SMCHD1: variants seen among roughly 807,000 people sequenced by gnomAD.
SMCHD1 encodes structural maintenance of chromosomes flexible hinge domain containing 1.
SMCHD1 carries 78 observed loss-of-function variants against 254.7 expected under a neutral mutation model. That is an observed-to-expected ratio of 0.31 (90% CI 0.26 to 0.37). The LOEUF is 0.37. Among genes scored for constraint, SMCHD1 ranks in the 10% least tolerant of loss-of-function variants. SMCHD1 has a pLI of 1.00. For missense variants in SMCHD1, 1,840 were observed against 2,408.1 expected, an observed-to-expected ratio of 0.76 and a Z score of 4.94; for synonymous variants, 766 against 794.9, an observed-to-expected ratio of 0.96 and a Z score of 0.61.
chr18:2,774,573 C>T (rs995744761), intron 41 of SMCHD1, among the ~76,000 whole-genome samples: 8 of 151,898 alleles, frequency 5.3e-5, no homozygotes, highest in African/African-American at 1.9e-4. Flanking sequence ...ACCATGCCCC[C>T]CTAATTTTTT....
In SMCHD1 at chr18:2,739,404, AGACTTCTAAC is replaced by A. The variant is rs758946886; in HGVS notation, c.3426-27_3426-18del. 1 of 1,559,226 alleles carries A rather than the reference AGACTTCTAAC, an allele frequency of 6.4e-7. No individual in the cohort carries two copies. The highest frequency in any genetic ancestry group is 2.2e-5 in the East Asian group (1 of 44,484). On this transcript the variant is annotated intron_variant, in intron 26 of 47. Coordinates refer to ENST00000320876, the MANE Select transcript of SMCHD1 (RefSeq NM_015295.3). ...CTACTTCAATTAATGGTGTCACTAA[AGACTTCTAAC>A]TTGTTAAACAATTTCAGACCACTTC...
intron 43 of SMCHD1, 107 bp downstream of exon 43, chr18:2,778,022 C>G: frequency 9.9e-7 from 1 of 1,007,180 alleles, no homozygotes; most frequent in East Asian, 2.6e-5. Context: ...GCTTATCAGT[C>G]ATAGTTTTAT....
chr18:2,796,150 A>AG lies in SMCHD1; in HGVS notation c.5878+44dup, dbSNP rs1171784495. 6 of 1,408,346 alleles carry AG rather than the reference A, an allele frequency of 4.3e-6. No homozygotes were observed. The South Asian group carries it at 8.7e-5, about 20-fold the overall frequency. The allele number at this position is 1,408,346 out of a possible 1,614,324, so 87.2% of individuals were successfully genotyped here. A position where few individuals can be genotyped will look rare whatever the true frequency, so the allele number is the denominator to read the frequency against. ...GTTAACTTCTACTTTCTTTATATGG[A>AG]GATAAATATTTATGATGAGAGAGAA... On this transcript the variant is annotated intron_variant, in intron 46 of 47. Coordinates refer to ENST00000320876, the MANE Select transcript of SMCHD1 (RefSeq NM_015295.3).
chr18:2,660,039 T>C (rs1598272664), intron 1 of SMCHD1, among the ~76,000 whole-genome samples: 1 of 152,170 alleles, frequency 6.6e-6, no homozygotes, highest in Admixed American at 6.5e-5. Flanking sequence ...TTAAGAGAAG[T>C]TGGGGACGGC....
At chr18:2,669,813 T>G (rs372387362) in intron 3 of SMCHD1, among the ~76,000 whole-genome samples, 1 of 152,312 alleles carries the variant, frequency 6.6e-6, no homozygotes. Flanking sequence ...ATACCACACA[T>G]AGTTCCCCCT....
In SMCHD1 at chr18:2,738,472, G is replaced by A; in HGVS notation, c.3352G>A (p.Val1118Ile). The change falls in exon 26 of 48, where the codon GTA (valine) becomes ATA (isoleucine). Residue 1118 changes from valine (V) to isoleucine (I), a missense_variant. This residue lies in a region of SMCHD1 where 881 missense variants were observed against 1,009.5 expected (regional missense o/e 0.87). Transcript: ENST00000320876. ...TCCTGATGTGCAAGTACCAACATCTGTAAAAGATATGCGCTATTGCCAGGT... is the reference window on the plus strand; with the variant it reads ...TCCTGATGTGCAAGTACCAACATCTATAAAAGATATGCGCTATTGCCAGGT... ...LLPDVQVPTS[V>I]KDMRYCQVSF... 6.2e-7 allele frequency: 1 copy of A among 1,612,664 alleles called. No individual in the cohort carries two copies. The highest frequency in any genetic ancestry group is 8.5e-7 in the Non-Finnish European group (1 of 1,179,326).
At chr18:2,669,855 C>T (rs1002373602) in intron 3 of SMCHD1, among the ~76,000 whole-genome samples, 1 of 152,196 alleles carries the variant, frequency 6.6e-6, no homozygotes, top group Non-Finnish European at 1.5e-5. Flanking sequence ...GTCCTTCCTG[C>T]TGCACAGGCC....
At chr18:2,666,276 A>G (rs1200767249) in intron 2 of SMCHD1, 44 bp downstream of exon 2, 1 of 918,066 alleles carries the variant, frequency 1.1e-6, no homozygotes, top group Non-Finnish European at 1.7e-6. Flanking sequence ...ATATTTAATA[A>G]GGTTTAGTAC....
intron 1 of SMCHD1, among the ~76,000 whole-genome samples, chr18:2,661,470 A>G (rs2073251088): frequency 6.6e-6 from 1 of 152,158 alleles, no homozygotes; most frequent in Non-Finnish European, 1.5e-5. Flanking sequence ...GGTTTTTAAT[A>G]TGGATTAGAA....
At chr18:2,709,716 T>G (rs546497284) in intron 17 of SMCHD1, among the ~76,000 whole-genome samples, 1 of 152,358 alleles carries the variant, frequency 6.6e-6, no homozygotes, top group East Asian at 1.9e-4. Flanking sequence ...TATATCTTCT[T>G]TGGACAAAGG....
At chr18:2,662,667 C>CAAAAAAAAA (rs745838636) in intron 1 of SMCHD1, among the ~76,000 whole-genome samples, 8 of 35,642 alleles carry the variant, frequency 2.2e-4, no homozygotes, top group African/African-American at 4.9e-4. Context: ...AACAAAAAAC[C>CAAAAAAAAA]AAAAAAAAAA....
chr18:2,679,276 A>G (rs549456623), intron 5 of SMCHD1, among the ~76,000 whole-genome samples: 124 of 322 alleles, frequency 0.39, no homozygotes, highest in Admixed American at 0.46. Flanking sequence ...TCAGGAGATC[A>G]AGACATCCTG....
chr18:2,703,926 A>G (rs1178653022), intron 13 of SMCHD1, 40 bp downstream of exon 13: 2 of 1,444,164 alleles, frequency 1.4e-6, no homozygotes, highest in African/African-American at 2.9e-5. Context: ...TATAATTTTT[A>G]ATTTAATTTA....
intron 34 of SMCHD1, 68 bp from the exon 35 acceptor site, chr18:2,760,584 T>A (rs1218773824): frequency 1.2e-6 from 1 of 864,600 alleles, no homozygotes; most frequent in African/African-American, 1.7e-5. Flanking sequence ...ACAGAAATGT[T>A]GACTCTTTGA....
intron 20 of SMCHD1, among the ~76,000 whole-genome samples, chr18:2,724,447 A>C (rs2074986876): frequency 6.6e-6 from 1 of 152,030 alleles, no homozygotes; most frequent in Non-Finnish European, 1.5e-5. Flanking sequence ...CTTTATCTAA[A>C]TTGCCATTCA....
chr18:2,787,830 C>T (rs1464365868), intron 45 of SMCHD1, among the ~76,000 whole-genome samples: 3 of 152,138 alleles, frequency 2.0e-5, no homozygotes, highest in African/African-American at 7.2e-5. Context: ...CAATAGCAGC[C>T]ATGCATGACT....
At chr18:2,709,249 T>C (rs1202334842) in intron 17 of SMCHD1, among the ~76,000 whole-genome samples, 24 of 146,152 alleles carry the variant, frequency 1.6e-4, no homozygotes, top group African/African-American at 4.8e-4. Context: ...TATATATATA[T>C]ACACACACAC....
At chr18:2,678,223 T>TTCTTTTTC (rs58882016) in intron 5 of SMCHD1, among the ~76,000 whole-genome samples, 1 of 138,966 alleles carries the variant, frequency 7.2e-6, no homozygotes, top group African/African-American at 2.6e-5. Flanking sequence ...CTTTCTTTCT[T>TTCTTTTTC]TTTCTTTCTT....
intron 1 of SMCHD1, among the ~76,000 whole-genome samples, chr18:2,658,957 T>C (rs1165133392): frequency 1.3e-5 from 2 of 151,778 alleles, no homozygotes; most frequent in African/African-American, 2.4e-5. Context: ...CACACACATA[T>C]ATATATTTTT....
Sources: gnomAD v4.1 joint callset for allele counts (sites outside exome capture counted in the v4.1 genomes callset) on GRCh38, gnomAD v4.1.1 for gene constraint, gnomAD v4.1.1 regional missense constraint, MANE v1.5 for transcripts, NCBI Gene and HGNC (gene_info 2026-07-23, HGNC 2026-07-21) for gene names.